The following LDLRAP1 variants were observed in gnomAD, a reference collection of about 807,000 sequenced individuals.
LDLRAP1 encodes the protein low density lipoprotein receptor adapter protein 1.
A neutral mutation model predicts 37.8 loss-of-function variants in LDLRAP1; 30 were observed. The ratio of observed to expected loss-of-function variants is 0.79; its 90% CI spans 0.59 to 1.08. The LOEUF (loss-of-function observed/expected upper bound fraction) is 1.08. LDLRAP1 is among the 50% of genes least tolerant of loss of function. The pLI, the probability that LDLRAP1 is intolerant of heterozygous loss-of-function variation, is 0.00. For synonymous variants in LDLRAP1, 156 were observed against 169.8 expected (o/e 0.92, Z 0.63); for missense variants, 375 against 401.6 (o/e 0.93, Z 0.57).
chr1:25,589,491 T>G, the LDLRAP1 span, among the ~76,000 whole-genome samples: 242 of 152,258 alleles, frequency 1.6e-3, no homozygotes, highest in African/African-American at 5.4e-3. Flanking sequence ...GATTCACATT[T>G]GAATCCATAG....
At chr1:25,589,487 C>T in the LDLRAP1 span, among the ~76,000 whole-genome samples, 46 of 152,234 alleles carry the variant, frequency 3.0e-4, no homozygotes, top group Non-Finnish European at 6.3e-4. Flanking sequence ...AAGAGATTCA[C>T]ATTTGAATCC....
chr1:25,546,321 G>A (rs2043932904), intron 1 of LDLRAP1, among the ~76,000 whole-genome samples: 1 of 152,190 alleles, frequency 6.6e-6, no homozygotes, highest in Non-Finnish European at 1.5e-5. Flanking sequence ...GTCCTCACTA[G>A]GATTAGCATG....
At chr1:25,557,899 A>T (rs1316169113) in intron 4 of LDLRAP1, among the ~76,000 whole-genome samples, 4 of 150,982 alleles carry the variant, frequency 2.6e-5, no homozygotes, top group African/African-American at 9.8e-5. Flanking sequence ...TCTTTTTTTT[A>T]AAGTTTTAAT....
At chr1:25,574,588 GGCCTCTGGCAGTA>G in the LDLRAP1 span, among the ~76,000 whole-genome samples, 62 of 152,200 alleles carry the variant, frequency 4.1e-4, no homozygotes, top group Admixed American at 4.1e-3. Flanking sequence ...GGTGTCTGTG[GGCCTCTGGCAGTA>G]GCCTGAGTCA....
downstream of LDLRAP1, among the ~76,000 whole-genome samples, chr1:25,569,650 A>T (rs1463858481): frequency 1.3e-5 from 2 of 152,212 alleles, no homozygotes; most frequent in Admixed American, 6.5e-5. Context: ...CTGGAACTCA[A>T]TATGTCTAAA....
At chr1:25,569,385 TG>T (rs2044570330), downstream of LDLRAP1, among the ~76,000 whole-genome samples, 1 of 151,846 alleles carries the variant, frequency 6.6e-6, no homozygotes, top group East Asian at 1.9e-4. Context: ...TCAGGATGTG[TG>T]GTTTGGGTGT....
the LDLRAP1 span, among the ~76,000 whole-genome samples, chr1:25,576,091 G>T: frequency 6.6e-6 from 1 of 151,884 alleles, no homozygotes; most frequent in African/African-American, 2.4e-5. Flanking sequence ...AATTAGCCGG[G>T]CATGGTGGCA....
intron 1 of LDLRAP1, among the ~76,000 whole-genome samples, chr1:25,549,163 A>G (rs1414486857): frequency 6.6e-6 from 1 of 152,244 alleles, no homozygotes; most frequent in African/African-American, 2.4e-5. Context: ...TTTCACGTCC[A>G]GAAACTTCTG....
At position 25,553,974 on chromosome 1, in the gene LDLRAP1, GT is replaced by G. The variant is rs868193249; in HGVS notation, c.143del (p.Phe48SerfsTer8). 4.3e-6 allele frequency: 7 copies of G among 1,613,940 alleles called. No individual in the cohort carries two copies. Among genetic ancestry groups the G allele is most frequent in the Non-Finnish European group, 5.9e-6 (7 of 1,180,016 alleles). On this transcript the variant is annotated frameshift_variant, in exon 2 of 9. Coordinates refer to ENST00000374338, the MANE Select transcript of LDLRAP1 (RefSeq NM_015627.3). LOFTEE classifies it high-confidence loss of function. ...TRETLLEGML[F>X]SLKYLGMTLV... is the part of the protein sequence containing the mutation. Reference sequence around the variant, plus strand: ...GGGAGACGCTGCTGGAGGGGATGCTGTTCAGCCTCAAGTACCTGGGCATGAC... The same window carrying G: ...GGGAGACGCTGCTGGAGGGGATGCTGTCAGCCTCAAGTACCTGGGCATGAC...
chr1:25,562,562 T>G, intron 4 of LDLRAP1, 82 bp from the exon 5 acceptor site: 1 of 1,197,612 alleles, frequency 8.3e-7, no homozygotes, highest in South Asian at 1.2e-5. Context: ...GGGCCTGGCC[T>G]GGAGGCCCCA....
At chr1:25,580,304 C>T in the LDLRAP1 span, among the ~76,000 whole-genome samples, 1 of 152,260 alleles carries the variant, frequency 6.6e-6, no homozygotes. Context: ...TGGCTCCTGC[C>T]TGTAATCCCA....
At position 25,566,907 on chromosome 1, in the gene LDLRAP1, T is replaced by C. The variant is rs1047410438; in HGVS notation, c.842T>C (p.Met281Thr). The C allele has an allele frequency of 4.3e-6, 7 of 1,613,296 alleles. No individual in the cohort carries two copies. Among genetic ancestry groups the C allele is most frequent in the Admixed American group, 3.3e-5 (2 of 59,966 alleles). ...VLDTGLTAQDMHYAQCLSPVD... is the reference protein window; with the variant it reads ...VLDTGLTAQDTHYAQCLSPVD... ...GACACTGGCCTGACAGCCCAGGACA[T>C]GCATTACGCCCAGTGCCTCTCGCCT... is the stretch of plus-strand genomic sequence containing the variant. Residue 281 changes from methionine (M) to threonine (T), a missense_variant, in exon 9 of 9, where the codon ATG (methionine) becomes ACG (threonine). By Grantham distance (81) the Met-to-Thr change is moderately conservative. Coordinates refer to ENST00000374338, the MANE Select transcript of LDLRAP1 (RefSeq NM_015627.3).
intron 1 of LDLRAP1, among the ~76,000 whole-genome samples, chr1:25,548,755 C>G (rs1181784103): frequency 6.6e-6 from 1 of 152,180 alleles, no homozygotes; most frequent in Non-Finnish European, 1.5e-5. Flanking sequence ...CTTACTGCAG[C>G]CTCGACCTCC....
At chr1:25,557,071 CAG>C in intron 3 of LDLRAP1, 80 bp from the exon 4 acceptor site, 10 of 1,014,390 alleles carry the variant, frequency 9.9e-6, no homozygotes, top group Non-Finnish European at 1.6e-5. Context: ...CTCTGCAACT[CAG>C]GGGAGCTGCC....
rs377498801 is a variant in LDLRAP1 at position 25,544,609 on chromosome 1, C to T, written c.88+823C>T. ...AGGGGCCTCCCCCCCTTTCTCTCCC[C>T]CAGTCTCTGATTACGCTCAGGGAAC... On this transcript the variant is annotated intron_variant, in intron 1 of 8. Coordinates refer to ENST00000374338, the MANE Select transcript of LDLRAP1 (RefSeq NM_015627.3). The surrounding 1 kb of genome is among the most constrained non-coding windows in gnomAD (Gnocchi z 4.8). 5.3e-5 allele frequency among the ~76,000 whole-genome samples: 8 copies of T among 152,322 alleles called. No individual in the cohort carries two copies. The highest frequency in any genetic ancestry group is 1.7e-4 in the African/African-American group (7 of 41,572).
Position 25,565,029 on chromosome 1 carries a change from G to A in LDLRAP1, c.748-144G>A, listed in dbSNP as rs1004972159. 8.5e-6 allele frequency: 7 copies of A among 820,460 alleles called. No homozygotes were observed. The African/African-American group carries it at 1.2e-4, about 14-fold the overall frequency. The allele number at this position is 820,460 out of a possible 1,614,324, so 50.8% of individuals were successfully genotyped here. On this transcript the variant is annotated intron_variant, in intron 7 of 8. Transcript: ENST00000374338. ...TGCTGGCGATGCACCCAGGCAGGAG[G>A]CCTGCCTGAGGCCGTGCCTCCAGGC...
At chr1:25,551,205 C>G (rs1360105212) in intron 1 of LDLRAP1, among the ~76,000 whole-genome samples, 1 of 152,180 alleles carries the variant, frequency 6.6e-6, no homozygotes, top group Non-Finnish European at 1.5e-5. Context: ...CTTTCCATTG[C>G]TGTCCTTGCT....
At chr1:25,588,503 CT>C in the LDLRAP1 span, among the ~76,000 whole-genome samples, 20 of 152,204 alleles carry the variant, frequency 1.3e-4, no homozygotes, top group Admixed American at 1.2e-3. Context: ...GTATGCATAT[CT>C]AAAGCACAGC....
chr1:25,563,521 G>A, intron 6 of LDLRAP1, 140 bp from the exon 7 acceptor site: 1 of 1,090,498 alleles, frequency 9.2e-7, no homozygotes, highest in South Asian at 1.3e-5. Context: ...CTGCTGTGGG[G>A]AGGTGCCAGG....
Sources: gnomAD v4.1 joint callset for allele counts (sites outside exome capture counted in the v4.1 genomes callset) on GRCh38, gnomAD v4.1.1 for gene constraint, Gnocchi (gnomAD v3.1) non-coding constraint, MANE v1.5 for transcripts, NCBI Gene and HGNC (gene_info 2026-07-23, HGNC 2026-07-21) for gene names.